RARB: variants seen among roughly 807,000 people sequenced by gnomAD.
RARB encodes retinoic acid receptor beta, also known as HBV-activated protein.
In RARB, 17 loss-of-function variants were observed where a neutral mutation model predicts 51.9. The observed-to-expected ratio is 0.33, with a 90% CI of 0.22 to 0.49. The LOEUF (loss-of-function observed/expected upper bound fraction) is 0.49. Ranked by LOEUF, RARB falls within the 20% of genes least tolerant of loss-of-function variation. The pLI, the probability that RARB is intolerant of heterozygous loss-of-function variation, is 0.99. For synonymous variants in RARB, 215 were observed against 195.4 expected, an observed-to-expected ratio of 1.10 and a Z score of -0.84; for missense variants, 369 against 550.8, an observed-to-expected ratio of 0.67 and a Z score of 3.30.
At chr3:25,048,419 A>G (rs1366685802) in intron 2 of RARB, among the ~76,000 whole-genome samples, 1 of 152,192 alleles carries the variant, frequency 6.6e-6, no homozygotes, top group Non-Finnish European at 1.5e-5. Context: ...CAACTTTCCT[A>G]TATGAATACA....
chr3:25,298,829 T>C (rs1163752281), intron 5 of RARB, among the ~76,000 whole-genome samples: 1 of 152,154 alleles, frequency 6.6e-6, no homozygotes, highest in East Asian at 1.9e-4. Flanking sequence ...CTCTGCCCAA[T>C]TGTCCAAGAA....
In RARB at chr3:24,996,342, CTCTT is replaced by C. The variant is rs558389784; in HGVS notation, c.-379-63781_-379-63778del. On this transcript the variant is annotated intron_variant, in intron 2 of 11. Transcript: ENST00000383772. ...ATTTCTGATTTTGTTTGGTTCTTCT[CTCTT>C]TTCTTATTTTTCTCATTAGTCTATC... Among the ~76,000 whole-genome samples the C allele has an allele frequency of 4.2e-3, 632 of 151,986 alleles. 1 individual carries two copies. Among genetic ancestry groups the C allele is most frequent in the Non-Finnish European group, 5.5e-3 (376 of 67,920 alleles).
rs146206294 is a variant in RARB, at chr3:24,916,296, C to T, written c.-380+57544C>T. On this transcript the variant is annotated intron_variant, in intron 2 of 11. Transcript: ENST00000383772. ...AGTTGAAAAGAATCTTAAGGATAAT[C>T]AACCTTCCCTACTACACCTGATTTT... Among the ~76,000 whole-genome samples the T allele has an allele frequency of 9.8e-3, 1,489 of 152,226 alleles. 41 individuals are homozygous for T. The highest frequency in any genetic ancestry group is 0.039 in the Admixed American group (598 of 15,292).
intron 1 of RARB, among the ~76,000 whole-genome samples, chr3:24,851,571 A>T (rs1055374940): frequency 6.6e-6 from 1 of 152,120 alleles, no homozygotes; most frequent in Non-Finnish European, 1.5e-5. Context: ...AAACATCAAT[A>T]CTCTTCAATC....
intron 3 of RARB, among the ~76,000 whole-genome samples, chr3:25,519,966 A>G (rs962204874): frequency 3.3e-5 from 5 of 152,150 alleles, no homozygotes; most frequent in African/African-American, 1.2e-4. Flanking sequence ...ATCCATATTC[A>G]CCTCAGTGTA....
At chr3:25,151,157 T>C (rs1460622454) in intron 4 of RARB, among the ~76,000 whole-genome samples, 1 of 152,208 alleles carries the variant, frequency 6.6e-6, no homozygotes, top group East Asian at 1.9e-4. Flanking sequence ...TGGCAGACAC[T>C]AAATGCAGGT....
chr3:24,918,571 G>C (rs1473811825), intron 2 of RARB, among the ~76,000 whole-genome samples: 3 of 152,124 alleles, frequency 2.0e-5, no homozygotes, highest in African/African-American at 7.2e-5. Context: ...TCTCAAAGCT[G>C]TTACAAATAT....
intron 2 of RARB, among the ~76,000 whole-genome samples, chr3:24,863,502 A>C (rs951180346): frequency 1.3e-5 from 2 of 152,266 alleles, no homozygotes; most frequent in South Asian, 4.1e-4. Context: ...GTTAAAATGA[A>C]CACTTCTCTG....
chr3:24,876,912 T>G (rs1012546503), intron 2 of RARB, among the ~76,000 whole-genome samples: 7 of 152,184 alleles, frequency 4.6e-5, no homozygotes, highest in African/African-American at 1.4e-4. Context: ...AAAACAGATT[T>G]ATCATAAAAT....
At chr3:25,007,812 G>T (rs1249061481) in intron 2 of RARB, among the ~76,000 whole-genome samples, 1 of 151,880 alleles carries the variant, frequency 6.6e-6, no homozygotes, top group African/African-American at 2.4e-5. Flanking sequence ...CTGGAGCTTT[G>T]TGATACGTGT....
At chr3:25,208,746 T>G (rs1701621715) in intron 5 of RARB, among the ~76,000 whole-genome samples, 2 of 152,146 alleles carry the variant, frequency 1.3e-5, no homozygotes, top group African/African-American at 2.4e-5. Context: ...GAGATCTCAT[T>G]GAGCCCCTCA....
intron 2 of RARB, among the ~76,000 whole-genome samples, chr3:24,911,043 T>C (rs965108120): frequency 5.9e-5 from 9 of 152,256 alleles, no homozygotes; most frequent in African/African-American, 1.4e-4. Context: ...GTGATAAATG[T>C]TATGACTTCA....
chr3:25,145,820 AC>A (rs1700179546), intron 4 of RARB, among the ~76,000 whole-genome samples: 1 of 137,666 alleles, frequency 7.3e-6, no homozygotes, highest in Admixed American at 7.6e-5. Flanking sequence ...ACATGGTAAA[AC>A]CCCATCTCTA....
At chr3:25,099,922 T>G (rs1230042410) in intron 3 of RARB, among the ~76,000 whole-genome samples, 1 of 152,200 alleles carries the variant, frequency 6.6e-6, no homozygotes, top group Non-Finnish European at 1.5e-5. Flanking sequence ...ATGCTTTTCC[T>G]TATGGACTAC....
At chr3:25,149,942 C>G (rs1323157116) in intron 4 of RARB, among the ~76,000 whole-genome samples, 1 of 152,140 alleles carries the variant, frequency 6.6e-6, no homozygotes. Context: ...TGGCTCACTT[C>G]TGTAATCCCA....
intron 1 of RARB, among the ~76,000 whole-genome samples, chr3:25,439,361 T>C (rs1708564683): frequency 1.3e-5 from 2 of 152,368 alleles, no homozygotes; most frequent in South Asian, 2.1e-4. Flanking sequence ...GTGCATCTAA[T>C]TGGCCTCTCA....
chr3:24,946,863 A>C (rs1458370611), intron 2 of RARB, among the ~76,000 whole-genome samples: 1 of 152,182 alleles, frequency 6.6e-6, no homozygotes, highest in Non-Finnish European at 1.5e-5. Context: ...AGACACTGTC[A>C]ATCATAATAG....
chr3:25,040,091 C>A (rs567659292), intron 2 of RARB, among the ~76,000 whole-genome samples: 3 of 152,146 alleles, frequency 2.0e-5, no homozygotes, highest in African/African-American at 7.2e-5. Context: ...ATGTGGGTTG[C>A]ATGTACATTT....
At chr3:25,580,785 G>A in intron 5 of RARB, 63 bp downstream of exon 5, 1 of 1,469,338 alleles carries the variant, frequency 6.8e-7, no homozygotes, top group Non-Finnish European at 9.2e-7. Flanking sequence ...TGGAGGGGAG[G>A]GAGGGGACCA....
Sources: allele counts gnomAD v4.1 joint callset (sites outside exome capture counted in the v4.1 genomes callset), GRCh38; gene constraint gnomAD v4.1.1; transcripts MANE v1.5; gene names NCBI Gene and HGNC (gene_info 2026-07-23, HGNC 2026-07-21).